Variants in CWC22 observed in about 807,000 individuals in gnomAD.
CWC22 encodes the protein pre-mRNA-splicing factor CWC22 homolog.
Under a neutral mutation model 117.2 loss-of-function variants are expected in CWC22, and 53 were observed. That is an observed-to-expected ratio of 0.45 (90% CI 0.36 to 0.57). The LOEUF (loss-of-function observed/expected upper bound fraction) is 0.57, where lower values mean the gene tolerates loss of function less well. Ranked by LOEUF, CWC22 falls within the 20% of genes least tolerant of loss-of-function variation. The pLI is 0.00. For missense variants in CWC22, 980 were observed against 1,068.8 expected (o/e 0.92, Z 1.16); for synonymous variants, 360 against 355.6 (o/e 1.01, Z -0.14).
At chr2:179,984,124 G>C (rs988651414) in intron 4 of CWC22, among the ~76,000 whole-genome samples, 1 of 151,964 alleles carries the variant, frequency 6.6e-6, no homozygotes, top group African/African-American at 2.4e-5. Context: ...ACCTAACATA[G>C]AGTTATACTG....
At position 179,945,580 on chromosome 2, in the gene CWC22, T is replaced by TG; in HGVS notation, c.2275_2276insC (p.Glu759AlafsTer35). 1 of 1,613,758 alleles carries TG rather than the reference T, an allele frequency of 6.2e-7. No individual in the cohort carries two copies. Among genetic ancestry groups the TG allele is most frequent in the Non-Finnish European group, 8.5e-7 (1 of 1,179,780 alleles). On this transcript the variant is annotated frameshift_variant, in exon 20 of 20. Transcript: ENST00000410053. LOFTEE classifies it high-confidence loss of function. The stretch of plus-strand genomic sequence containing the variant: ...GTGTTTTTCTGACCTTCTTTCTCTC[T>TG]CAGTCCTTGTTTCCTGGTGCCCGTG...
chr2:179,972,815 G>A lies in CWC22; in HGVS notation c.804+378C>T, dbSNP rs57772784. On this transcript the variant is annotated intron_variant, in intron 8 of 19. Transcript: ENST00000410053. ...GAGTTCAGGAGATCGAGACCATCCT[G>A]GCTAACATGGTGAAACCCCGTCTCT... Among the ~76,000 whole-genome samples, 602 of 152,064 alleles carry A rather than the reference G, an allele frequency of 4.0e-3. 7 individuals are homozygous for A. Among genetic ancestry groups the A allele is most frequent in the African/African-American group, 0.014 (576 of 41,474 alleles).
In CWC22 at chr2:180,007,218, C is replaced by T. The variant is rs1688005270; in HGVS notation, c.-465G>A. 6.6e-6 allele frequency: 1 copy of T among 152,222 alleles called. No homozygotes were observed. Among genetic ancestry groups the T allele is most frequent in the South Asian group, 2.1e-4 (1 of 4,836 alleles). 9.4% of individuals were successfully genotyped at this position (152,222 alleles called of 1,614,324 possible). On this transcript the variant is annotated 5_prime_UTR_variant, in exon 1 of 20. The change creates a premature stop within an existing upstream ORF in the 5' untranslated region. Coordinates refer to ENST00000410053, the MANE Select transcript of CWC22 (RefSeq NM_020943.3). The stretch of plus-strand genomic sequence containing the variant: ...TTATCCCTTTAATTTATTTCAAATA[C>T]CATATCATAATACCAGAGTCAAAGT...
chr2:179,986,673 G>C (rs970580702), intron 4 of CWC22, 22 bp downstream of exon 4: 16 of 1,358,844 alleles, frequency 1.2e-5, no homozygotes, highest in Admixed American at 1.9e-5. Flanking sequence ...TTTTCTACAA[G>C]TTAGAAATTC....
Position 179,981,974 on chromosome 2 carries a change from C to T in CWC22, c.230G>A (p.Arg77Lys), listed in dbSNP as rs1296760812. The change falls in exon 5 of 20, where the codon AGA becomes AAA. Residue 77 changes from arginine to lysine, a missense_variant. Arg to Lys is a conservative substitution (Grantham distance 26). This residue lies in a region of CWC22 where 559 missense variants were observed against 602.3 expected (regional missense o/e 0.93). Coordinates refer to ENST00000410053, the MANE Select transcript of CWC22 (RefSeq NM_020943.3). ...ESRNRDREKR[R>K]ERERDTDRKR... ...CCGATCCGTATCTCTTTCTCTTTCT[C>T]TGCGTTTTTCTCGGTCCCTGTTTCT... is the stretch of plus-strand genomic sequence containing the variant. The T allele has an allele frequency of 1.3e-6, 2 of 1,548,548 alleles. No homozygotes were observed. The highest frequency in any genetic ancestry group is 2.4e-5 in the South Asian group (2 of 83,992).
chr2:179,970,501 C>T lies in CWC22; in HGVS notation c.1210G>A (p.Glu404Lys). Residue 404 changes from glutamate to lysine, a missense_variant and splice_region_variant, in exon 11 of 20, where the codon GAA becomes AAA. By Grantham distance (56) the Glu-to-Lys change is moderately conservative. Transcript: ENST00000410053. ...NEEKYKAIKK[E>K]ILDEGDTDSN... ...AATTATTTTATAAAATTTTACATACCTTTCTTAATAGCTTTGTACTTCTCT... is the reference window on the plus strand; with the variant it reads ...AATTATTTTATAAAATTTTACATACTTTTCTTAATAGCTTTGTACTTCTCT... 6.5e-7 allele frequency: 1 copy of T among 1,526,872 alleles called. No individual in the cohort carries two copies. The allele number at this position is 1,526,872 out of a possible 1,614,324, so 94.6% of individuals were successfully genotyped here.
At chr2:180,000,205 G>T (rs374710994) in intron 1 of CWC22, among the ~76,000 whole-genome samples, 2 of 152,218 alleles carry the variant, frequency 1.3e-5, no homozygotes, top group South Asian at 4.2e-4. Context: ...ATTATAATTT[G>T]ATGTCAGCAT....
At chr2:179,946,063 A>G (rs1686286505) in intron 19 of CWC22, among the ~76,000 whole-genome samples, 1 of 152,064 alleles carries the variant, frequency 6.6e-6, no homozygotes. Flanking sequence ...TCGTATTTTT[A>G]GTAGAGACAG....
intron 8 of CWC22, among the ~76,000 whole-genome samples, chr2:179,972,479 T>C (rs1159544617): frequency 1.3e-5 from 2 of 152,214 alleles, no homozygotes; most frequent in East Asian, 1.9e-4. Context: ...TATATGACTA[T>C]ACCTGTGTGG....
Position 179,978,235 on chromosome 2 carries a change from CT to C in CWC22, c.535del (p.Ser179ValfsTer12). On this transcript the variant is annotated frameshift_variant, in exon 6 of 20. Coordinates refer to ENST00000410053, the MANE Select transcript of CWC22 (RefSeq NM_020943.3). LOFTEE classifies it high-confidence loss of function. ...TTGAAGAAGCTCTTGAATAATAATACTTATGTTGGAAATGTTGACTTTGTTG... is the reference window on the plus strand; with the variant it reads ...TTGAAGAAGCTCTTGAATAATAATACTATGTTGGAAATGTTGACTTTGTTG... ...LINKVNISNI[S>X]IIIQELLQEN... The C allele has an allele frequency of 1.3e-6, 2 of 1,571,522 alleles. No homozygotes were observed. Among genetic ancestry groups the C allele is most frequent in the South Asian group, 1.2e-5 (1 of 82,238 alleles).
intron 5 of CWC22, 45 bp downstream of exon 5, chr2:179,981,707 C>A: frequency 6.5e-7 from 1 of 1,535,958 alleles, no homozygotes; most frequent in South Asian, 1.1e-5. Context: ...ACTTATTTTT[C>A]AATGACAATT....
In CWC22 at chr2:179,965,954, C is replaced by T. The variant is rs538752827; in HGVS notation, c.1239G>A (p.Ser413=). ...TACTCCCAGCATCCTGGTCTGTGTTCGAGTCAGTATCTCCCTCATCAAGAA... is the reference window on the plus strand; with the variant it reads ...TACTCCCAGCATCCTGGTCTGTGTTTGAGTCAGTATCTCCCTCATCAAGAA... ...KEILDEGDTD[S]NTDQDAGSSE... The change falls in exon 12 of 20, where the codon TCG becomes TCA. Residue 413 remains serine (S), a synonymous_variant. Coordinates refer to ENST00000410053, the MANE Select transcript of CWC22 (RefSeq NM_020943.3). 2.3e-5 allele frequency: 37 copies of T among 1,611,730 alleles called. No homozygotes were observed. The highest frequency in any genetic ancestry group is 9.4e-5 in the African/African-American group (7 of 74,810).
At chr2:180,006,818 A>T (rs1687991334) in intron 1 of CWC22, 49 bp downstream of exon 1, 1 of 152,504 alleles carries the variant, frequency 6.6e-6, no homozygotes, top group African/African-American at 2.4e-5. Context: ...AAGGAAGGTC[A>T]GCCGGTCCGC....
chr2:179,991,994 G>A (rs1357904020), intron 2 of CWC22, among the ~76,000 whole-genome samples: 1 of 152,158 alleles, frequency 6.6e-6, no homozygotes, highest in Non-Finnish European at 1.5e-5. Context: ...TGCAGCAGAG[G>A]CTGCCTTACT....
chr2:179,993,449 C>A lies in CWC22; in HGVS notation c.-108G>T. On this transcript the variant is annotated 5_prime_UTR_variant, in exon 2 of 20. An upstream start codon of the reference 5' UTR is lost. Coordinates refer to ENST00000410053, the MANE Select transcript of CWC22 (RefSeq NM_020943.3). ...ACAGTTTACTTTTTCTGTCTGCAAA[C>A]ATCACCTATAAAATATACCAAAGAA... 2.7e-6 allele frequency: 2 copies of A among 749,406 alleles called. No individual in the cohort carries two copies. The highest frequency in any genetic ancestry group is 2.3e-6 in the Non-Finnish European group (1 of 429,210). The allele number at this position is 749,406 out of a possible 1,614,324, so 46.4% of individuals were successfully genotyped here. A position where few individuals can be genotyped will look rare whatever the true frequency, so the allele number is the denominator to read the frequency against.
At chr2:179,976,343 A>G (rs1687151319) in intron 6 of CWC22, among the ~76,000 whole-genome samples, 1 of 152,214 alleles carries the variant, frequency 6.6e-6, no homozygotes, top group Non-Finnish European at 1.5e-5. Context: ...GCTCTGAGAC[A>G]CTGGTATGGT....
At chr2:179,989,557 C>T (rs1404255860) in intron 2 of CWC22, among the ~76,000 whole-genome samples, 4 of 152,044 alleles carry the variant, frequency 2.6e-5, no homozygotes, top group Non-Finnish European at 5.9e-5. Context: ...GGGACTCGAA[C>T]AACATTACTT....
At chr2:180,001,294 A>C (rs1441748334) in intron 1 of CWC22, among the ~76,000 whole-genome samples, 1 of 151,588 alleles carries the variant, frequency 6.6e-6, no homozygotes, top group Non-Finnish European at 1.5e-5. Flanking sequence ...ATTTTGTGAT[A>C]TGTAAGTTCA....
chr2:179,987,187 C>CATT (rs994918670), intron 3 of CWC22, among the ~76,000 whole-genome samples: 5 of 152,180 alleles, frequency 3.3e-5, no homozygotes, highest in Non-Finnish European at 7.4e-5. Context: ...AGACCAAGGT[C>CATT]ATTGGCTGGC....
Sources: allele counts gnomAD v4.1 joint callset (sites outside exome capture counted in the v4.1 genomes callset), GRCh38; gene constraint gnomAD v4.1.1; regional missense constraint gnomAD v4.1.1; transcripts MANE v1.5; gene names NCBI Gene and HGNC (gene_info 2026-07-23, HGNC 2026-07-21).